Variants in GRPR observed in about 807,000 individuals in gnomAD.
GRPR encodes the protein gastrin releasing peptide receptor.
GRPR carries 4 observed loss-of-function variants against 15.6 expected under a neutral mutation model. That is an observed-to-expected ratio of 0.26 (90% confidence interval 0.13 to 0.59). GRPR has a LOEUF of 0.59. Among genes scored for constraint, GRPR ranks in the 20% least tolerant of loss-of-function variants. The pLI, the probability that GRPR is intolerant of heterozygous loss-of-function variation, is 0.90. For synonymous variants in GRPR, 128 were observed against 126.8 expected (o/e 1.01, Z -0.06); for missense variants, 270 against 304.1 (o/e 0.89, Z 0.83).
chrX:16,150,587 C>T lies in GRPR; in HGVS notation c.696C>T (p.Phe232=). 1 of 1,201,673 alleles carries T rather than the reference C, an allele frequency of 8.3e-7. No homozygotes were observed. Among genetic ancestry groups the T allele is most frequent in the Non-Finnish European group, 1.1e-6 (1 of 886,099 alleles). ...CGATCATCTCTGTTTACTACTACTTCATTGCTAAAAATCTGATCCAGAGTG... is the reference window on the plus strand; with the variant it reads ...CGATCATCTCTGTTTACTACTACTTTATTGCTAAAAATCTGATCCAGAGTG... ...PLSIISVYYY[F]IAKNLIQSAY... Residue 232 remains phenylalanine (F), a synonymous_variant, in exon 2 of 3, where the codon TTC becomes TTT. Coordinates refer to ENST00000380289, the MANE Select transcript of GRPR (RefSeq NM_005314.3).
At position 16,152,349 on chromosome X, in the gene GRPR, C is replaced by T; in HGVS notation, c.859C>T (p.Arg287Cys). 5 of 1,208,777 alleles carry T rather than the reference C, an allele frequency of 4.1e-6. No homozygotes were observed. The highest frequency in any genetic ancestry group is 3.0e-5 in the East Asian group (1 of 33,828). The change falls in exon 3 of 3, where the codon CGC (arginine) becomes TGC (cysteine). Residue 287 changes from arginine (R) to cysteine (C), a missense_variant. By Grantham distance (180) the Arg-to-Cys change is radical (BLOSUM62 -3). Coordinates refer to ENST00000380289, the MANE Select transcript of GRPR (RefSeq NM_005314.3). ...WLPNHVIYLY[R>C]SYHYSEVDTS... ...CCCCAATCATGTCATCTACCTGTAC[C>T]GCTCCTACCACTACTCTGAGGTGGA...
intron 1 of GRPR, among the ~76,000 whole-genome samples, chrX:16,144,654 CT>C (rs1922578842): frequency 2.7e-5 from 3 of 111,889 alleles, no homozygotes; most frequent in African/African-American, 9.7e-5. Flanking sequence ...ACAAATTAAT[CT>C]TCCCACAGAG....
At chrX:16,145,548 T>G (rs906839175) in intron 1 of GRPR, among the ~76,000 whole-genome samples, 1 of 112,069 alleles carries the variant, frequency 8.9e-6, no homozygotes, top group African/African-American at 3.2e-5. Flanking sequence ...GTACAAAAAC[T>G]AATTAGAAAG....
At chrX:16,148,165 TC>T (rs917959602) in intron 1 of GRPR, among the ~76,000 whole-genome samples, 14 of 111,783 alleles carry the variant, frequency 1.3e-4, no homozygotes, top group African/African-American at 3.9e-4. Flanking sequence ...AGCCCTCTCT[TC>T]CCTACCTAAT....
At chrX:16,127,044 A>G (rs755876779) in intron 1 of GRPR, among the ~76,000 whole-genome samples, 49 of 111,466 alleles carry the variant, frequency 4.4e-4, no homozygotes, top group Non-Finnish European at 7.9e-4. Flanking sequence ...TAGATTGGTG[A>G]AAAAGTGAAT....
chrX:16,127,296 A>G (rs1003549790), intron 1 of GRPR, among the ~76,000 whole-genome samples: 9 of 111,694 alleles, frequency 8.1e-5, no homozygotes, highest in African/African-American at 2.9e-4. Context: ...TGTCAATATG[A>G]AAAGAATATC....
chrX:16,143,893 G>A (rs1182041245), intron 1 of GRPR, among the ~76,000 whole-genome samples: 2 of 111,673 alleles, frequency 1.8e-5, no homozygotes, highest in African/African-American at 3.3e-5. Flanking sequence ...GCTCCTTGTC[G>A]GTAAAGAATT....
At chrX:16,131,108 C>T (rs754545788) in intron 1 of GRPR, among the ~76,000 whole-genome samples, 58 of 112,351 alleles carry the variant, frequency 5.2e-4, no homozygotes, top group Non-Finnish European at 7.0e-4. Flanking sequence ...AAAAAGAAAG[C>T]ACAAGCTTGA....
rs769791219 is a variant in GRPR at position 16,124,083 on chromosome X, C to T, written c.130C>T (p.Pro44Ser). Residue 44 changes from proline to serine, a missense_variant, in exon 1 of 3, where the codon CCT (proline) becomes TCT (serine). Physicochemically the swap from Pro to Ser is moderately conservative, Grantham distance 74. This residue lies in a region of GRPR where 115 missense variants were observed against 128.8 expected (regional missense o/e 0.89). Transcript: ENST00000380289. Reference sequence around the variant, plus strand: ...CCACCCGGGGATCCTCTATGTCATCCCTGCAGTTTATGGGGTTATCATTCT... The same window carrying T: ...CCACCCGGGGATCCTCTATGTCATCTCTGCAGTTTATGGGGTTATCATTCT... ...WSHPGILYVI[P>S]AVYGVIILIG... The T allele has an allele frequency of 3.9e-5, 47 of 1,207,291 alleles. No individual in the cohort carries two copies. Among genetic ancestry groups the T allele is most frequent in the East Asian group, 8.9e-5 (3 of 33,783 alleles).
chrX:16,152,723 C>T lies in GRPR; in HGVS notation c.*78C>T, dbSNP rs1922734944. 6.0e-5 allele frequency: 55 copies of T among 910,436 alleles called. No individual in the cohort carries two copies. In the South Asian group the frequency reaches 1.1e-3, roughly 18 times the overall value. 75.0% of individuals were successfully genotyped at this position (910,436 alleles called of 1,213,427 possible). On this transcript the variant is annotated 3_prime_UTR_variant, in exon 3 of 3. Coordinates refer to ENST00000380289, the MANE Select transcript of GRPR (RefSeq NM_005314.3). ...GGAACCCTTGCATCCATTGTTGTGTCTGTGCCCTCCAAAGAGCCTTCAGAA... is the reference window on the plus strand; with the variant it reads ...GGAACCCTTGCATCCATTGTTGTGTTTGTGCCCTCCAAAGAGCCTTCAGAA...
At position 16,152,537 on chromosome X, in the gene GRPR, C is replaced by T; in HGVS notation, c.1047C>T (p.His349=). ...AGCCTGGCCTGATCATCCGGTCTCA[C>T]AGCACTGGAAGGAGTACAACCTGCA... The part of the protein sequence containing the change: ...CCQPGLIIRS[H]STGRSTTCMT... The change falls in exon 3 of 3, where the codon CAC becomes CAT. Residue 349 remains histidine (H), a synonymous_variant. Coordinates refer to ENST00000380289, the MANE Select transcript of GRPR (RefSeq NM_005314.3). The T allele has an allele frequency of 8.3e-7, 1 of 1,208,791 alleles. No individual in the cohort carries two copies.
intron 1 of GRPR, among the ~76,000 whole-genome samples, chrX:16,149,297 C>A (rs1038957609): frequency 1.8e-5 from 2 of 111,463 alleles, no homozygotes; most frequent in Non-Finnish European, 3.8e-5. Flanking sequence ...GAAGCTCCCT[C>A]TTTCTATCCT....
At chrX:16,151,736 TAGAG>T (rs1922707520) in intron 2 of GRPR, among the ~76,000 whole-genome samples, 1 of 112,119 alleles carries the variant, frequency 8.9e-6, no homozygotes, top group African/African-American at 3.2e-5. Context: ...ATCATAATAA[TAGAG>T]AGTTATCTTG....
intron 1 of GRPR, among the ~76,000 whole-genome samples, chrX:16,126,168 C>T (rs998306286): frequency 3.6e-5 from 4 of 111,537 alleles, no homozygotes; most frequent in African/African-American, 1.3e-4. Flanking sequence ...CAGTGTGTTC[C>T]CAGTAAGTTT....
intron 1 of GRPR, among the ~76,000 whole-genome samples, chrX:16,126,403 T>C (rs1922292178): frequency 8.9e-6 from 1 of 112,227 alleles, no homozygotes; most frequent in African/African-American, 3.2e-5. Flanking sequence ...TTCTATCTTA[T>C]ATCTCTGAGG....
chrX:16,134,687 G>A (rs967189181), intron 1 of GRPR, among the ~76,000 whole-genome samples: 5 of 110,666 alleles, frequency 4.5e-5, no homozygotes, highest in Non-Finnish European at 9.5e-5. Context: ...CTCCTTGGTG[G>A]GCCCTGGACT....
At chrX:16,135,496 A>C (rs1375201100) in intron 1 of GRPR, among the ~76,000 whole-genome samples, 1 of 112,410 alleles carries the variant, frequency 8.9e-6, no homozygotes, top group Non-Finnish European at 1.9e-5. Flanking sequence ...TCACATAAAG[A>C]ATTTATTTTC....
At chrX:16,144,808 G>A (rs753561441) in intron 1 of GRPR, among the ~76,000 whole-genome samples, 23 of 112,166 alleles carry the variant, frequency 2.1e-4, no homozygotes, top group Non-Finnish European at 1.9e-5. Flanking sequence ...CTGACTTAAT[G>A]TGTAAAAGGG....
chrX:16,124,166 G>A lies in GRPR; in HGVS notation c.213G>A (p.Met71Ile). ...LIKIFCTVKS[M>I]RNVPNLFISS... ...AGATCTTCTGTACAGTCAAGTCCAT[G>A]CGAAACGTTCCAAACCTGTTCATTT... Residue 71 changes from methionine to isoleucine, a missense_variant, in exon 1 of 3, where the codon ATG becomes ATA. Transcript: ENST00000380289. 8.3e-7 allele frequency: 1 copy of A among 1,209,953 alleles called. No individual in the cohort carries two copies. The highest frequency in any genetic ancestry group is 1.1e-6 in the Non-Finnish European group (1 of 893,902).
Sources: allele counts gnomAD v4.1 joint callset (sites outside exome capture counted in the v4.1 genomes callset), GRCh38; gene constraint gnomAD v4.1.1; regional missense constraint gnomAD v4.1.1; transcripts MANE v1.5; gene names NCBI Gene and HGNC (gene_info 2026-07-23, HGNC 2026-07-21).